NPAS3: variants seen among roughly 807,000 people sequenced by gnomAD.
The protein encoded by NPAS3 is neuronal PAS domain-containing protein 3.
In NPAS3, 14 loss-of-function variants were observed where a neutral mutation model predicts 73.1. The observed-to-expected ratio is 0.19, with a 90% confidence interval of 0.13 to 0.30. The LOEUF is 0.30. Among genes scored for constraint, NPAS3 ranks in the 10% least tolerant of loss-of-function variants. The pLI, the probability that NPAS3 is intolerant of heterozygous loss-of-function variation, is 1.00. For missense variants in NPAS3, 1,096 were observed against 1,250.0 expected (o/e 0.88, Z 1.86); for synonymous variants, 620 against 541.5 (o/e 1.14, Z -2.01).
In NPAS3 at chr14:33,769,756, C is replaced by CTTTTTTTTTTTTTT. The variant is rs916953785; in HGVS notation, c.853-4568_853-4555dup. ...CCTGAAAGACTTGGATTTTTTTTTT[C>CTTTTTTTTTTTTTT]TTTTTTTTTTTTTTTTTTTTTTTTT... On this transcript the variant is annotated intron_variant, in intron 7 of 11. Coordinates refer to ENST00000356141, the Ensembl canonical transcript of NPAS3. Among the ~76,000 whole-genome samples, 14 of 81,876 alleles carry CTTTTTTTTTTTTTT rather than the reference C, an allele frequency of 1.7e-4. 2 individuals carry two copies. The highest frequency in any genetic ancestry group is 8.0e-4 in the East Asian group (2 of 2,504). 53.7% of individuals were successfully genotyped at this position (81,876 alleles called of 152,430 possible).
intron 4 of NPAS3, among the ~76,000 whole-genome samples, chr14:33,480,399 T>C (rs1208245274): frequency 1.3e-5 from 2 of 152,146 alleles, no homozygotes; most frequent in African/African-American, 4.8e-5. Context: ...ATAAGGCAAG[T>C]TACAGTCTGG....
chr14:33,139,394 G>A (rs1221092195), intron 2 of NPAS3, among the ~76,000 whole-genome samples: 1 of 152,136 alleles, frequency 6.6e-6, no homozygotes, highest in Non-Finnish European at 1.5e-5. Flanking sequence ...ATTACAAATA[G>A]TGGTATAAGA....
intron 6 of NPAS3, among the ~76,000 whole-genome samples, chr14:33,713,226 A>G (rs1272017910): frequency 6.6e-6 from 1 of 152,180 alleles, no homozygotes; most frequent in East Asian, 1.9e-4. Context: ...AGCAAGTACA[A>G]CCCCAAGGCT....
intron 4 of NPAS3, among the ~76,000 whole-genome samples, chr14:33,451,909 A>G (rs959070732): frequency 6.6e-5 from 10 of 152,212 alleles, no homozygotes; most frequent in African/African-American, 2.4e-4. Context: ...TATCATTTAT[A>G]ACCACAGGCA....
At chr14:33,639,231 C>T (rs2058610384) in intron 5 of NPAS3, among the ~76,000 whole-genome samples, 1 of 152,120 alleles carries the variant, frequency 6.6e-6, no homozygotes, top group African/African-American at 2.4e-5. Flanking sequence ...AGCCCAATGG[C>T]TCAATAAATC....
intron 6 of NPAS3, among the ~76,000 whole-genome samples, chr14:33,727,298 T>C (rs909824910): frequency 8.5e-5 from 13 of 152,174 alleles, no homozygotes; most frequent in Non-Finnish European, 1.3e-4. Flanking sequence ...CCATAATTTT[T>C]TCTTCCTCTT....
chr14:33,022,664 CAAAAAAAA>C (rs34475386), intron 1 of NPAS3, among the ~76,000 whole-genome samples: 6 of 97,462 alleles, frequency 6.2e-5, no homozygotes, highest in Admixed American at 3.8e-4. Flanking sequence ...GACTCCGTCC[CAAAAAAAA>C]AAAAAAAAAA....
chr14:33,733,720 G>C (rs575413179), intron 6 of NPAS3, among the ~76,000 whole-genome samples: 1 of 152,030 alleles, frequency 6.6e-6, no homozygotes, highest in Non-Finnish European at 1.5e-5. Context: ...CTTTTCCCTC[G>C]AGTGATAAAA....
chr14:32,953,886 C>T (rs950604091), intron 1 of NPAS3, among the ~76,000 whole-genome samples: 2 of 152,262 alleles, frequency 1.3e-5, no homozygotes, highest in Non-Finnish European at 2.9e-5. Context: ...GAGGAAGACA[C>T]TGTGTCTTCC....
chr14:32,953,871 C>A (rs2139164179), intron 1 of NPAS3, among the ~76,000 whole-genome samples: 1 of 152,266 alleles, frequency 6.6e-6, no homozygotes, highest in East Asian at 1.9e-4. Flanking sequence ...CTTCCTTTTA[C>A]TCTGGAGGAA....
chr14:33,800,171 A>G lies in NPAS3; in HGVS notation c.1864A>G (p.Ser622Gly). Reference sequence around the variant, plus strand: ...CCGCCGGCGCCTGTCCAGCGCGTCGAGCCCAGGCGGCCTGGACGCGGGCCT... The same window carrying G: ...CCGCCGGCGCCTGTCCAGCGCGTCGGGCCCAGGCGGCCTGGACGCGGGCCT... The change falls in exon 12 of 12, where the codon AGC becomes GGC. Residue 622 changes from serine to glycine, a missense_variant. This residue lies in a region of NPAS3 where 698 missense variants were observed against 676.7 expected (regional missense o/e 1.03). Coordinates refer to ENST00000356141, the Ensembl canonical transcript of NPAS3. The surrounding 1 kb of genome is among the most constrained non-coding windows in gnomAD (Gnocchi z 6.5). The G allele has an allele frequency of 1.9e-6, 3 of 1,608,704 alleles. No individual in the cohort carries two copies. The highest frequency in any genetic ancestry group is 2.5e-6 in the Non-Finnish European group (3 of 1,178,288).
chr14:33,466,867 G>C (rs1029993903), intron 4 of NPAS3, among the ~76,000 whole-genome samples: 15 of 152,128 alleles, frequency 9.9e-5, no homozygotes, highest in Admixed American at 9.8e-4. Context: ...CCTCCTACAG[G>C]CCCCACCTCC....
At chr14:33,294,811 A>G (rs2042229620) in intron 3 of NPAS3, among the ~76,000 whole-genome samples, 1 of 152,178 alleles carries the variant, frequency 6.6e-6, no homozygotes, top group Non-Finnish European at 1.5e-5. Context: ...CCAAACTGGA[A>G]AGTGAGGGAG....
intron 1 of NPAS3, among the ~76,000 whole-genome samples, chr14:33,050,538 C>G (rs146020580): frequency 0.013 from 2,040 of 152,196 alleles, 40 homozygotes; most frequent in African/African-American, 0.046. Flanking sequence ...GGGCCTAGAA[C>G]TTAACACATT....
At chr14:33,074,864 A>G (rs962334741) in intron 2 of NPAS3, among the ~76,000 whole-genome samples, 3 of 152,192 alleles carry the variant, frequency 2.0e-5, no homozygotes, top group Admixed American at 6.5e-5. Context: ...CATTTTTCTG[A>G]ACTGTTCATT....
At chr14:33,551,596 G>A (rs1366366527) in intron 4 of NPAS3, among the ~76,000 whole-genome samples, 1 of 152,176 alleles carries the variant, frequency 6.6e-6, no homozygotes. Flanking sequence ...TACTACCAGA[G>A]AAGGGGGAAA....
chr14:33,742,685 T>C (rs2061685500), intron 7 of NPAS3, among the ~76,000 whole-genome samples: 1 of 152,222 alleles, frequency 6.6e-6, no homozygotes, highest in South Asian at 2.1e-4. Flanking sequence ...GTCACGTAGA[T>C]TGATTCTTCC....
rs544408965 is a variant in NPAS3, at chr14:32,945,012, G to A, written c.50+5646G>A. On this transcript the variant is annotated intron_variant, in intron 1 of 11. Transcript: ENST00000356141. ...CATGGACCGTGGTTATGCGTGCCAG[G>A]TACAGTACTAAATATATACCTTGTA... is the stretch of plus-strand genomic sequence containing the variant. 1.1e-3 allele frequency among the ~76,000 whole-genome samples: 160 copies of A among 152,250 alleles called. 1 individual carries two copies. In the South Asian group the frequency reaches 0.011, roughly 10 times the overall value.
intron 3 of NPAS3, among the ~76,000 whole-genome samples, chr14:33,232,453 G>A (rs1352618322): frequency 6.6e-6 from 1 of 152,162 alleles, no homozygotes; most frequent in East Asian, 1.9e-4. Flanking sequence ...ACATTCTACT[G>A]TGGAACAGTG....
Sources: allele counts gnomAD v4.1 joint callset (sites outside exome capture counted in the v4.1 genomes callset), GRCh38; gene constraint gnomAD v4.1.1; regional missense constraint gnomAD v4.1.1; non-coding constraint Gnocchi (gnomAD v3.1); transcripts MANE v1.5; gene names NCBI Gene and HGNC (gene_info 2026-07-23, HGNC 2026-07-21).